BNC2: variants seen among roughly 807,000 people sequenced by gnomAD.
BNC2 encodes basonuclin zinc finger protein 2.
Under a neutral mutation model 76.3 loss-of-function variants are expected in BNC2, and 20 were observed. That is an observed-to-expected ratio of 0.26 (90% CI 0.18 to 0.38). BNC2 has a LOEUF of 0.38. Among genes scored for constraint, BNC2 ranks in the 10% least tolerant of loss-of-function variants. The pLI, the probability that BNC2 is intolerant of heterozygous loss-of-function variation, is 1.00. For synonymous variants in BNC2, 582 were observed against 514.8 expected (o/e 1.13, Z -1.77); for missense variants, 1,382 against 1,399.8 (o/e 0.99, Z 0.20).
intron 1 of BNC2, among the ~76,000 whole-genome samples, chr9:16,811,127 G>T (rs1818038791): frequency 6.6e-6 from 1 of 150,686 alleles, no homozygotes; most frequent in Non-Finnish European, 1.5e-5. Context: ...TGAGGCTGAG[G>T]CAGGAGAATG....
At chr9:16,780,099 G>A (rs930726555) in intron 1 of BNC2, among the ~76,000 whole-genome samples, 11 of 151,696 alleles carry the variant, frequency 7.3e-5, no homozygotes, top group South Asian at 4.2e-4. Flanking sequence ...AGCCGGGCGC[G>A]GTGGCGGGTG....
At chr9:16,536,349 A>G (rs930793679) in intron 5 of BNC2, among the ~76,000 whole-genome samples, 1 of 152,196 alleles carries the variant, frequency 6.6e-6, no homozygotes, top group East Asian at 1.9e-4. Flanking sequence ...AAAGTGGTCT[A>G]AAATACCCTA....
rs996552168 is a variant in BNC2, at chr9:16,689,977, T to C, written c.330+37820A>G. On this transcript the variant is annotated intron_variant, in intron 3 of 6. Coordinates refer to ENST00000380672, the MANE Select transcript of BNC2 (RefSeq NM_017637.6). ...GCTAAACACACTGCTGCAAAATAAA[T>C]GAATACAAAAGCAGAAACACAGGAA... 3.3e-5 allele frequency among the ~76,000 whole-genome samples: 5 copies of C among 152,266 alleles called. No homozygotes were observed. In the South Asian group the frequency reaches 8.3e-4, roughly 25 times the overall value.
intron 3 of BNC2, 112 bp from the exon 4 acceptor site, chr9:16,583,197 G>C: frequency 1.2e-6 from 1 of 853,704 alleles, no homozygotes; most frequent in East Asian, 2.5e-5. Context: ...TATGATGGTA[G>C]GGGCCTGGAG....
At chr9:16,531,398 GA>G (rs948204701) in intron 5 of BNC2, among the ~76,000 whole-genome samples, 12 of 134,692 alleles carry the variant, frequency 8.9e-5, no homozygotes, top group Middle Eastern at 3.9e-3. Context: ...GAGGGAATAA[GA>G]AAAAAAAAAA....
intron 5 of BNC2, among the ~76,000 whole-genome samples, chr9:16,490,754 C>T (rs2131625072): frequency 6.6e-6 from 1 of 152,184 alleles, no homozygotes; most frequent in East Asian, 1.9e-4. Context: ...AAAAGAGAAA[C>T]ATTTAAGAGA....
intron 3 of BNC2, among the ~76,000 whole-genome samples, chr9:16,614,081 T>C (rs10756766): frequency 0.87 from 132,451 of 151,998 alleles, 58,853 homozygotes; most frequent in East Asian, 0.98. Flanking sequence ...ATGTCCTATA[T>C]ATTAACACTT....
At chr9:16,860,432 G>A (rs1276964660) in intron 1 of BNC2, among the ~76,000 whole-genome samples, 1 of 152,088 alleles carries the variant, frequency 6.6e-6, no homozygotes, top group African/African-American at 2.4e-5. Context: ...ACACCTCAAT[G>A]GAGAAAAACT....
In BNC2 at chr9:16,486,884, C is replaced by T. The variant is rs564291146; in HGVS notation, c.670-49360G>A. Among the ~76,000 whole-genome samples, 28 of 152,156 alleles carry T rather than the reference C, an allele frequency of 1.8e-4. 1 individual carries two copies. In the South Asian group the frequency reaches 5.6e-3, roughly 30 times the overall value. On this transcript the variant is annotated intron_variant, in intron 5 of 6. Coordinates refer to ENST00000380672, the MANE Select transcript of BNC2 (RefSeq NM_017637.6). ...GGGACTACAGGCACATGACACCATGCCTAATTTTTTTTATAGAGATAACGT... is the reference window on the plus strand; with the variant it reads ...GGGACTACAGGCACATGACACCATGTCTAATTTTTTTTATAGAGATAACGT...
chr9:16,472,564 C>T (rs947562498), intron 5 of BNC2, among the ~76,000 whole-genome samples: 1 of 152,160 alleles, frequency 6.6e-6, no homozygotes, highest in Non-Finnish European at 1.5e-5. Context: ...GACTGGCTCG[C>T]CTATTCACTC....
chr9:16,802,877 A>T (rs768464967), intron 1 of BNC2, among the ~76,000 whole-genome samples: 7 of 152,176 alleles, frequency 4.6e-5, no homozygotes, highest in Non-Finnish European at 8.8e-5. Flanking sequence ...AGGGTCACTA[A>T]CTTTGGGGAA....
intron 1 of BNC2, among the ~76,000 whole-genome samples, chr9:16,754,711 C>T (rs1456044867): frequency 6.6e-6 from 1 of 152,162 alleles, no homozygotes; most frequent in African/African-American, 2.4e-5. Flanking sequence ...CCACCCACCA[C>T]CATGCCCAGC....
At chr9:16,667,111 A>G (rs931453027) in intron 3 of BNC2, among the ~76,000 whole-genome samples, 35 of 151,220 alleles carry the variant, frequency 2.3e-4, no homozygotes, top group Non-Finnish European at 4.1e-4. Context: ...ACACACACGC[A>G]CACACGCACA....
chr9:16,450,565 CAATT>C (rs1172776242), intron 5 of BNC2, among the ~76,000 whole-genome samples: 1 of 152,220 alleles, frequency 6.6e-6, no homozygotes, highest in Non-Finnish European at 1.5e-5. Flanking sequence ...TTTCAACTCT[CAATT>C]AATTGGGCAT....
In BNC2 at chr9:16,635,450, A is replaced by G. The variant is rs10962514; in HGVS notation, c.331-52365T>C. 3.0e-3 allele frequency among the ~76,000 whole-genome samples: 451 copies of G among 152,336 alleles called. 17 individuals carry two copies. In the East Asian group the frequency reaches 0.074, roughly 25 times the overall value. ...AAACTCTAACTTTATTTAATATTTT[A>G]TAATACTTTTGAATACCTTGATAAC... is the stretch of plus-strand genomic sequence containing the variant. On this transcript the variant is annotated intron_variant, in intron 3 of 6. Transcript: ENST00000380672.
At chr9:16,787,141 A>G (rs1826317423) in intron 1 of BNC2, among the ~76,000 whole-genome samples, 2 of 152,206 alleles carry the variant, frequency 1.3e-5, no homozygotes, top group Admixed American at 1.3e-4. Flanking sequence ...CTTCAGCAAC[A>G]TCTCTCTTCA....
chr9:16,617,846 C>A (rs1239397165), intron 3 of BNC2, among the ~76,000 whole-genome samples: 1 of 152,212 alleles, frequency 6.6e-6, no homozygotes, highest in African/African-American at 2.4e-5. Context: ...TGATGATGAA[C>A]TTGGGTGCCC....
At chr9:16,818,786 C>G (rs912057321) in intron 1 of BNC2, among the ~76,000 whole-genome samples, 10 of 152,082 alleles carry the variant, frequency 6.6e-5, no homozygotes, top group African/African-American at 2.4e-4. Context: ...CTCAACCACC[C>G]AAGTAGCTGA....
chr9:16,706,940 C>T (rs1357335255), intron 3 of BNC2, among the ~76,000 whole-genome samples: 2 of 152,222 alleles, frequency 1.3e-5, no homozygotes, highest in Admixed American at 1.3e-4. Flanking sequence ...CGGAGGCTCA[C>T]GCCTGTAATC....
Sources: gnomAD v4.1 joint callset for allele counts (sites outside exome capture counted in the v4.1 genomes callset) on GRCh38, gnomAD v4.1.1 for gene constraint, MANE v1.5 for transcripts, NCBI Gene and HGNC (gene_info 2026-07-23, HGNC 2026-07-21) for gene names.